The following RBFOX2 variants were observed in gnomAD, a reference collection of about 807,000 sequenced individuals.
RBFOX2 encodes the protein RNA binding fox-1 homolog 2.
A neutral mutation model predicts 49.1 loss-of-function variants in RBFOX2; 10 were observed. The ratio of observed to expected loss-of-function variants is 0.20; its 90% CI spans 0.13 to 0.35. The LOEUF (loss-of-function observed/expected upper bound fraction) is 0.35. Ranked by LOEUF, RBFOX2 falls within the 10% of genes least tolerant of loss-of-function variation. The pLI is 1.00. For synonymous variants in RBFOX2, 183 were observed against 187.4 expected (o/e 0.98, Z 0.19); for missense variants, 323 against 486.9 (o/e 0.66, Z 3.17).
intron 1 of RBFOX2, among the ~76,000 whole-genome samples, chr22:35,902,121 C>T (rs2048657148): frequency 6.6e-6 from 1 of 151,942 alleles, no homozygotes; most frequent in African/African-American, 2.4e-5. Context: ...TTAAAAGACC[C>T]ATCTTTCCTT....
At chr22:35,898,318 G>T (rs2048126321) in intron 1 of RBFOX2, 1 of 724,066 alleles carries the variant, frequency 1.4e-6, no homozygotes, top group South Asian at 1.4e-5. Flanking sequence ...GGAGTGGGCT[G>T]TGACACACGG....
intron 1 of RBFOX2, among the ~76,000 whole-genome samples, chr22:35,968,283 CA>C (rs2056680960): frequency 6.6e-6 from 1 of 152,160 alleles, no homozygotes; most frequent in African/African-American, 2.4e-5. Context: ...TTTAGATGAG[CA>C]ACAAGTTTTT....
At chr22:35,741,710 G>A (rs1930041529) in exon 12 of RBFOX2, 1 of 152,792 alleles carries the variant, frequency 6.5e-6, no homozygotes, top group South Asian at 2.1e-4. Context: ...GCCTTTGGAG[G>A]CCTCAGCCAG....
chr22:35,743,376 AAGG>A (rs1930892179), exon 12 of RBFOX2: 1 of 152,170 alleles, frequency 6.6e-6, no homozygotes, highest in Non-Finnish European at 1.5e-5. Context: ...GGTTCAATTA[AAGG>A]AGAAGAAGCC....
At chr22:35,826,274 G>A (rs1159207518) in intron 1 of RBFOX2, among the ~76,000 whole-genome samples, 2 of 149,958 alleles carry the variant, frequency 1.3e-5, no homozygotes, top group East Asian at 3.9e-4. Context: ...CCTGGGAGGC[G>A]GAGGTTGCAG....
Position 35,791,413 on chromosome 22 carries a change from T to C in RBFOX2, c.253-9667A>G, listed in dbSNP as rs111616171. Among the ~76,000 whole-genome samples the C allele has an allele frequency of 1.8e-3, 275 of 152,032 alleles. 2 individuals carry two copies. Among genetic ancestry groups the C allele is most frequent in the African/African-American group, 6.5e-3 (269 of 41,478 alleles). On this transcript the variant is annotated intron_variant, in intron 2 of 11. Coordinates refer to ENST00000405409, the Ensembl canonical transcript of RBFOX2. ...AAAAAAAAAAAAGAAGAAAATATTT[T>C]AGGATGTCAGGTTCTAAACCCTTAA...
At chr22:35,790,900 T>G (rs1270376696) in intron 2 of RBFOX2, among the ~76,000 whole-genome samples, 1 of 151,838 alleles carries the variant, frequency 6.6e-6, no homozygotes, top group African/African-American at 2.4e-5. Context: ...CCCAGCTACT[T>G]GGGAGGCTGA....
At chr22:35,994,280 A>C (rs1310439545) in intron 1 of RBFOX2, 3 of 152,042 alleles carry the variant, frequency 2.0e-5, no homozygotes, top group Non-Finnish European at 2.9e-5. Flanking sequence ...AAACATACTC[A>C]ATATTTTAAA....
At chr22:35,964,848 G>A (rs16996218), upstream of RBFOX2, among the ~76,000 whole-genome samples, 1,638 of 152,010 alleles carry the variant, frequency 0.011, 17 homozygotes, top group Non-Finnish European at 0.015. Context: ...TTTTTTACTC[G>A]GAAATTAAGG....
intron 1 of RBFOX2, among the ~76,000 whole-genome samples, chr22:35,950,543 T>C (rs2054797900): frequency 6.6e-6 from 1 of 152,210 alleles, no homozygotes; most frequent in Admixed American, 6.5e-5. Context: ...AAAGTGCCTC[T>C]GGTGAGACAA....
chr22:35,938,321 A>G (rs1427750451), intron 1 of RBFOX2, among the ~76,000 whole-genome samples: 1 of 152,172 alleles, frequency 6.6e-6, no homozygotes. Flanking sequence ...TCTGACCCAT[A>G]ATAGGGCCTG....
intron 1 of RBFOX2, among the ~76,000 whole-genome samples, chr22:35,915,411 C>G (rs1173020491): frequency 1.3e-5 from 2 of 152,194 alleles, no homozygotes; most frequent in African/African-American, 4.8e-5. Flanking sequence ...AATCTTATTA[C>G]CCCAAACAAC....
chr22:35,784,591 G>A (rs537109413), intron 2 of RBFOX2, among the ~76,000 whole-genome samples: 85 of 152,254 alleles, frequency 5.6e-4, no homozygotes, highest in Non-Finnish European at 1.2e-3. Flanking sequence ...CACTGCCCAA[G>A]GGCTGCATGG....
intron 1 of RBFOX2, among the ~76,000 whole-genome samples, chr22:35,917,312 C>T (rs184827172): frequency 2.4e-4 from 37 of 151,826 alleles, no homozygotes; most frequent in African/African-American, 8.9e-4. Context: ...GGGTTTAGAT[C>T]TATCTCAGCC....
intron 1 of RBFOX2, among the ~76,000 whole-genome samples, chr22:35,913,110 T>G (rs1387046533): frequency 9.0e-5 from 4 of 44,632 alleles, no homozygotes; most frequent in Non-Finnish European, 1.3e-4. Flanking sequence ...CTGTAATTTT[T>G]TTTTAATTGG....
chr22:35,936,556 T>G (rs983347421), intron 1 of RBFOX2, among the ~76,000 whole-genome samples: 3 of 152,280 alleles, frequency 2.0e-5, no homozygotes, highest in African/African-American at 7.2e-5. Flanking sequence ...AGATCTCTAA[T>G]TCAAAGATCC....
At chr22:36,011,484 G>GA (rs970549550) in intron 1 of RBFOX2, among the ~76,000 whole-genome samples, 3 of 151,806 alleles carry the variant, frequency 2.0e-5, no homozygotes, top group African/African-American at 4.8e-5. Context: ...CTAATAAATA[G>GA]AAAAAAATAT....
chr22:36,024,507 C>A (rs578110606), intron 1 of RBFOX2, among the ~76,000 whole-genome samples: 1 of 152,036 alleles, frequency 6.6e-6, no homozygotes, highest in East Asian at 1.9e-4. Context: ...TTTGGGAGGC[C>A]AACGCAGGCG....
At chr22:35,756,232 C>T (rs1936894093) in intron 9 of RBFOX2, 88 bp from the exon 11 acceptor site, 3 of 1,218,608 alleles carry the variant, frequency 2.5e-6, no homozygotes, top group South Asian at 1.8e-5. Context: ...CATGCACATG[C>T]GCTCTACACA....
Sources: gnomAD v4.1 joint callset for allele counts (sites outside exome capture counted in the v4.1 genomes callset) on GRCh38, gnomAD v4.1.1 for gene constraint, MANE v1.5 for transcripts, NCBI Gene and HGNC (gene_info 2026-07-23, HGNC 2026-07-21) for gene names.